The following DIP2A variants were observed in gnomAD, a reference collection of about 807,000 sequenced individuals.
DIP2A encodes the protein disco-interacting protein 2 homolog A.
A neutral mutation model predicts 177.4 loss-of-function variants in DIP2A; 85 were observed. The ratio of observed to expected loss-of-function variants is 0.48; its 90% CI spans 0.40 to 0.57. The LOEUF (loss-of-function observed/expected upper bound fraction) is 0.57. Among genes scored for constraint, DIP2A ranks in the 20% least tolerant of loss-of-function variants. DIP2A has a pLI of 0.00. For synonymous variants in DIP2A, 886 were observed against 881.8 expected (o/e 1.00, Z -0.08); for missense variants, 1,791 against 2,100.2 (o/e 0.85, Z 2.88).
rs112595846 is a variant in DIP2A at position 46,565,772 on chromosome 21, G to A, written c.4224G>A (p.Ala1408=). Residue 1408 remains alanine, a synonymous_variant, in exon 36 of 38, where the codon GCG becomes GCA. Transcript: ENST00000417564. The stretch of plus-strand genomic sequence containing the variant: ...ACTACACCGTTTACGGGGAGGAGGC[G>A]CTTCATGCCGACCACTTCAGTGCCC... ...TGYYTVYGEE[A]LHADHFSARL... 6.2e-6 allele frequency: 10 copies of A among 1,613,942 alleles called. No homozygotes were observed. The highest frequency in any genetic ancestry group is 1.3e-5 in the African/African-American group (1 of 75,006).
chr21:46,564,614 G>C (rs1754267732), intron 35 of DIP2A, among the ~76,000 whole-genome samples: 1 of 152,196 alleles, frequency 6.6e-6, no homozygotes, highest in East Asian at 1.9e-4. Context: ...CTATCCTCTT[G>C]GGGAATGTGC....
chr21:46,547,081 T>C, intron 21 of DIP2A, 39 bp downstream of exon 21: 1 of 1,598,406 alleles, frequency 6.3e-7, no homozygotes, highest in Non-Finnish European at 8.6e-7. Context: ...AGTAGATTCC[T>C]TCATTTGCAG....
rs1473680390 is a variant in DIP2A at position 46,551,875 on chromosome 21, C to T, written c.3001C>T (p.His1001Tyr). The change falls in exon 25 of 38, where the codon CAC (histidine) becomes TAC (tyrosine). Residue 1001 changes from histidine (H) to tyrosine (Y), a missense_variant. Coordinates refer to ENST00000417564, the MANE Select transcript of DIP2A (RefSeq NM_015151.4). ...LQWRAHTTPDHPLFLLLNAKG... is the reference protein window; with the variant it reads ...LQWRAHTTPDYPLFLLLNAKG... ...GTGGCGTGCCCACACCACTCCTGAC[C>T]ACCCGCTGTTCTTGCTGCTGAACGC... 1.2e-6 allele frequency: 2 copies of T among 1,610,122 alleles called. No individual in the cohort carries two copies. The highest frequency in any genetic ancestry group is 1.7e-6 in the Non-Finnish European group (2 of 1,178,424).
At position 46,498,823 on chromosome 21, in the gene DIP2A, C is replaced by T. The variant is rs368954592; in HGVS notation, c.645C>T (p.His215=). Residue 215 remains histidine (H), a synonymous_variant, in exon 5 of 38, where the codon CAC becomes CAT. Transcript: ENST00000417564. The surrounding 1 kb of genome is among the most constrained non-coding windows in gnomAD (Gnocchi z 4.3). ...CTGCACTCGCAGGCCTCGAGGCCCACACCCACATAGGTCAGTAATAAGCTG... is the reference window on the plus strand; with the variant it reads ...CTGCACTCGCAGGCCTCGAGGCCCATACCCACATAGGTCAGTAATAAGCTG... The part of the protein sequence containing the change: ...ATTALAGLEA[H]THIDLHSAPP... 27 of 1,613,026 alleles carry T rather than the reference C, an allele frequency of 1.7e-5. No homozygotes were observed. Among genetic ancestry groups the T allele is most frequent in the East Asian group, 2.2e-5 (1 of 44,880 alleles).
intron 1 of DIP2A, among the ~76,000 whole-genome samples, chr21:46,477,079 T>G (rs1336195199): frequency 6.6e-6 from 1 of 152,154 alleles, no homozygotes; most frequent in Non-Finnish European, 1.5e-5. Flanking sequence ...TATGGATCAC[T>G]CCTCGTTTTC....
At chr21:46,561,881 C>G (rs966715144) in intron 34 of DIP2A, 76 bp downstream of exon 34, 1 of 1,586,858 alleles carries the variant, frequency 6.3e-7, no homozygotes, top group East Asian at 2.2e-5. Flanking sequence ...GTGGAGGGTG[C>G]TGGGGGCTGC....
Position 46,541,904 on chromosome 21 carries a change from CAT to C in DIP2A, c.2176+11_2176+12del, listed in dbSNP as rs756410202. The C allele has an allele frequency of 6.2e-7, 1 of 1,613,882 alleles. No individual in the cohort carries two copies. The highest frequency in any genetic ancestry group is 2.2e-5 in the East Asian group (1 of 44,894). The stretch of plus-strand genomic sequence containing the variant: ...TCAGGTGATGCCTGGAGGTAAGAGA[CAT>C]AACCAGAGTGGGTCTTTGTCCATGA... On this transcript the variant is annotated intron_variant, in intron 18 of 37. Coordinates refer to ENST00000417564, the MANE Select transcript of DIP2A (RefSeq NM_015151.4).
At chr21:46,547,247 G>A (rs542829129) in intron 21 of DIP2A, 1 of 1,323,412 alleles carries the variant, frequency 7.6e-7, no homozygotes, top group African/African-American at 1.5e-5. Context: ...GAGTTCCTTG[G>A]ATTCCTTAAG....
At chr21:46,535,755 G>T (rs2059542048) in intron 13 of DIP2A, among the ~76,000 whole-genome samples, 1 of 152,298 alleles carries the variant, frequency 6.6e-6, no homozygotes, top group South Asian at 2.1e-4. Context: ...CTTCAGCTCA[G>T]AGCTGATCTT....
chr21:46,509,794 A>G (rs2058215476), intron 7 of DIP2A, among the ~76,000 whole-genome samples: 1 of 151,658 alleles, frequency 6.6e-6, no homozygotes, highest in Non-Finnish European at 1.5e-5. Context: ...TATTTTTTAA[A>G]AGAGAAAACT....
At chr21:46,540,065 T>C in intron 17 of DIP2A, 74 bp downstream of exon 17, 2 of 1,259,558 alleles carry the variant, frequency 1.6e-6, no homozygotes, top group Admixed American at 3.5e-5. Context: ...ATCCTGGAGC[T>C]GTGCCTGTGC....
At chr21:46,550,240 C>A in intron 22 of DIP2A, 5 of 626,616 alleles carry the variant, frequency 8.0e-6, no homozygotes, top group Non-Finnish European at 2.7e-6. Flanking sequence ...CTCCTCCTGT[C>A]TAATTGAGGC....
intron 6 of DIP2A, among the ~76,000 whole-genome samples, chr21:46,506,764 C>CTTTCTTTT (rs2058023479): frequency 1.5e-5 from 1 of 65,212 alleles, no homozygotes; most frequent in Non-Finnish European, 3.4e-5. Flanking sequence ...TTCTTTCTTT[C>CTTTCTTTT]TTTCTTTCTT....
At chr21:46,571,513 G>A (rs1324556489), downstream of DIP2A, among the ~76,000 whole-genome samples, 1 of 152,120 alleles carries the variant, frequency 6.6e-6, no homozygotes, top group East Asian at 1.9e-4. Flanking sequence ...TCACGATATT[G>A]GTTCTTCCTA....
At chr21:46,565,085 A>G (rs577064502) in intron 35 of DIP2A, among the ~76,000 whole-genome samples, 16 of 152,254 alleles carry the variant, frequency 1.1e-4, no homozygotes, top group Non-Finnish European at 2.4e-4. Context: ...GACTCTCTCT[A>G]GAAGGGCCCC....
chr21:46,538,962 T>G (rs1237307186), intron 16 of DIP2A: 1 of 204,540 alleles, frequency 4.9e-6, no homozygotes, highest in African/African-American at 2.4e-5. Flanking sequence ...CGTCTCTGGC[T>G]TCTGGCTTCA....
In DIP2A at chr21:46,538,507, G is replaced by A. The variant is rs200751416; in HGVS notation, c.1826G>A (p.Arg609Gln). ...GCTCGGGCCGCGCTGGTGAAGTCGC[G>A]AGACATGCACTGGTCTCTCCTAGCT... ...YKARAALVKSRDMHWSLLAQR... is the reference protein window; with the variant it reads ...YKARAALVKSQDMHWSLLAQR... The change falls in exon 16 of 38, where the codon CGA becomes CAA. Residue 609 changes from arginine to glutamine, a missense_variant. Coordinates refer to ENST00000417564, the MANE Select transcript of DIP2A (RefSeq NM_015151.4). 8.4e-6 allele frequency: 13 copies of A among 1,552,260 alleles called. No homozygotes were observed. Among genetic ancestry groups the A allele is most frequent in the Non-Finnish European group, 1.1e-5 (13 of 1,151,070 alleles).
Position 46,554,590 on chromosome 21 carries a change from C to T in DIP2A, c.3170C>T (p.Ala1057Val). Reference sequence around the variant, plus strand: ...GTCTCCACAGGGGTGGACCTCATTGCCGCGTTCTATGGCTGCTTGTACTGT... The same window carrying T: ...GTCTCCACAGGGGTGGACCTCATTGTCGCGTTCTATGGCTGCTTGTACTGT... Reference protein sequence around the residue: ...LVYPPGVDLIAAFYGCLYCGC... With the variant: ...LVYPPGVDLIVAFYGCLYCGC... Residue 1057 changes from alanine (A) to valine (V), a missense_variant, in exon 27 of 38, where the codon GCC (alanine) becomes GTC (valine). Ala to Val is a moderately conservative substitution (Grantham distance 64, BLOSUM62 0). Coordinates refer to ENST00000417564, the MANE Select transcript of DIP2A (RefSeq NM_015151.4). The T allele has an allele frequency of 6.2e-7, 1 of 1,611,828 alleles. No individual in the cohort carries two copies. Among genetic ancestry groups the T allele is most frequent in the Non-Finnish European group, 8.5e-7 (1 of 1,179,114 alleles).
At chr21:46,566,031 T>A in intron 36 of DIP2A, 144 bp downstream of exon 36, 1 of 1,032,468 alleles carries the variant, frequency 9.7e-7, no homozygotes, top group Non-Finnish European at 1.4e-6. Flanking sequence ...CTGACAGCAG[T>A]TTTCTCTGAA....
Sources: gnomAD v4.1 joint callset for allele counts (sites outside exome capture counted in the v4.1 genomes callset) on GRCh38, gnomAD v4.1.1 for gene constraint, Gnocchi (gnomAD v3.1) non-coding constraint, MANE v1.5 for transcripts, NCBI Gene and HGNC (gene_info 2026-07-23, HGNC 2026-07-21) for gene names.